Variants in PDE4D observed in about 807,000 individuals in gnomAD.
The protein encoded by PDE4D is 3',5'-cyclic-AMP phosphodiesterase 4D.
In PDE4D, 24 loss-of-function variants were observed where a neutral mutation model predicts 87.4. That is an observed-to-expected ratio of 0.27 (90% confidence interval 0.20 to 0.39). The LOEUF (loss-of-function observed/expected upper bound fraction) is 0.39, where lower values mean the gene tolerates loss of function less well. PDE4D is among the 10% of genes least tolerant of loss of function. PDE4D has a pLI of 1.00. For synonymous variants in PDE4D, 384 were observed against 383.2 expected, an observed-to-expected ratio of 1.00 and a Z score of -0.02; for missense variants, 714 against 1,041.0, an observed-to-expected ratio of 0.69 and a Z score of 4.32.
Position 59,435,010 on chromosome 5 carries a change from C to G in PDE4D, c.456-219042G>C, listed in dbSNP as rs77248214. Among the ~76,000 whole-genome samples the G allele has an allele frequency of 2.6e-5, 4 of 152,150 alleles. No homozygotes were observed. In the East Asian group the frequency reaches 7.7e-4, roughly 29 times the overall value. On this transcript the variant is annotated intron_variant, in intron 1 of 14. Coordinates refer to ENST00000340635, the MANE Select transcript of PDE4D (RefSeq NM_001104631.2). Reference sequence around the variant, plus strand: ...GACACTGAGGGATAAGATATATACCCAAGGTCACATAGAGTGTTAAGTGGT... The same window carrying G: ...GACACTGAGGGATAAGATATATACCGAAGGTCACATAGAGTGTTAAGTGGT...
intron 6 of PDE4D, among the ~76,000 whole-genome samples, chr5:58,996,886 C>G (rs1349548213): frequency 6.6e-6 from 1 of 152,092 alleles, no homozygotes; most frequent in Non-Finnish European, 1.5e-5. Context: ...TAAGTGACAT[C>G]CTGCATGTTC....
At chr5:59,700,426 G>A (rs1752398809) in intron 1 of PDE4D, among the ~76,000 whole-genome samples, 1 of 152,110 alleles carries the variant, frequency 6.6e-6, no homozygotes, top group Admixed American at 6.6e-5. Flanking sequence ...GGGTAAGAAT[G>A]TGACTTTGCA....
At chr5:59,122,261 T>C (rs1272709934) in intron 5 of PDE4D, among the ~76,000 whole-genome samples, 3 of 151,356 alleles carry the variant, frequency 2.0e-5, no homozygotes, top group Non-Finnish European at 4.4e-5. Context: ...TACAGCAACA[T>C]GGATGGAACT....
At chr5:59,519,556 G>A (rs1181652356) in intron 1 of PDE4D, among the ~76,000 whole-genome samples, 2 of 152,172 alleles carry the variant, frequency 1.3e-5, no homozygotes, top group South Asian at 2.1e-4. Flanking sequence ...AAGTGAGTGG[G>A]TGAGGCGGAC....
chr5:60,038,283 T>C (rs1159325246), intron 2 of PDE4D, among the ~76,000 whole-genome samples: 1 of 152,210 alleles, frequency 6.6e-6, no homozygotes, highest in African/African-American at 2.4e-5. Context: ...CTGTAATCCA[T>C]CTTGAATTGA....
At chr5:60,496,215 T>C (rs895203182) in intron 1 of PDE4D, among the ~76,000 whole-genome samples, 43 of 152,208 alleles carry the variant, frequency 2.8e-4, no homozygotes, top group African/African-American at 9.9e-4. Context: ...CTCCTGAGTA[T>C]AGGACAAAGC....
At chr5:60,373,282 A>T (rs901599619) in intron 1 of PDE4D, among the ~76,000 whole-genome samples, 2 of 152,176 alleles carry the variant, frequency 1.3e-5, no homozygotes, top group African/African-American at 4.8e-5. Context: ...ATCTAGCAAA[A>T]GTGGTCACAT....
chr5:60,259,494 C>T (rs2149700443), intron 1 of PDE4D, among the ~76,000 whole-genome samples: 1 of 152,104 alleles, frequency 6.6e-6, no homozygotes, highest in East Asian at 1.9e-4. Context: ...GTACTCTGCC[C>T]TTTTTTAACC....
At chr5:59,592,607 C>G (rs916793624) in intron 1 of PDE4D, among the ~76,000 whole-genome samples, 3 of 151,754 alleles carry the variant, frequency 2.0e-5, no homozygotes, top group African/African-American at 7.3e-5. Context: ...AATTCTTTTA[C>G]AGAAGAAAAA....
intron 5 of PDE4D, among the ~76,000 whole-genome samples, chr5:59,051,135 G>T (rs2153403988): frequency 6.6e-6 from 1 of 152,346 alleles, no homozygotes; most frequent in South Asian, 2.1e-4. Flanking sequence ...ACTCTGGGAG[G>T]CTGATGCGAG....
chr5:60,380,509 T>C lies in PDE4D; in HGVS notation c.-90+107433A>G, dbSNP rs143833362. On this transcript the variant is annotated intron_variant, in intron 1 of 16. Coordinates refer to the PDE4D transcript ENST00000502484. The stretch of plus-strand genomic sequence containing the variant: ...ATACGCTCTTTTCTTTTTGCCCCAA[T>C]GTCCCGATCAGGGCTGTTCCTTCAG... Among the ~76,000 whole-genome samples the C allele has an allele frequency of 7.9e-4, 121 of 152,300 alleles. 1 individual carries two copies. The highest frequency in any genetic ancestry group is 2.8e-3 in the African/African-American group (117 of 41,556).
Position 59,518,611 on chromosome 5 carries a change from C to T in PDE4D, c.456-302643G>A, listed in dbSNP as rs2153671985. ...TAGTGTACAGGAGTCGAATAAACAA[C>T]AGGAATGAAAGAGGGGAAGATGGCA... On this transcript the variant is annotated intron_variant, in intron 1 of 14. Coordinates refer to ENST00000340635, the MANE Select transcript of PDE4D (RefSeq NM_001104631.2). Among the ~76,000 whole-genome samples, 2 of 152,180 alleles carry T rather than the reference C, an allele frequency of 1.3e-5. 1 individual carries two copies.
intron 1 of PDE4D, among the ~76,000 whole-genome samples, chr5:59,505,503 C>T (rs1008787733): frequency 5.3e-5 from 8 of 152,194 alleles, no homozygotes; most frequent in Non-Finnish European, 8.8e-5. Context: ...TTAAATAGCA[C>T]ATTCTCAAGA....
chr5:59,562,665 T>C (rs184020791), intron 1 of PDE4D, among the ~76,000 whole-genome samples: 51 of 152,364 alleles, frequency 3.3e-4, no homozygotes, highest in Non-Finnish European at 1.2e-4. Flanking sequence ...GTACAGTATA[T>C]ATACCTAGTT....
intron 2 of PDE4D, among the ~76,000 whole-genome samples, chr5:60,181,827 CAT>C (rs1260686069): frequency 4.6e-5 from 7 of 152,096 alleles, no homozygotes; most frequent in Non-Finnish European, 8.8e-5. Context: ...TATAAAACTT[CAT>C]GAGTTTGGAG....
intron 1 of PDE4D, among the ~76,000 whole-genome samples, chr5:60,450,317 C>T (rs556822285): frequency 6.6e-6 from 1 of 152,158 alleles, no homozygotes; most frequent in Non-Finnish European, 1.5e-5. Context: ...ATTTCACTAT[C>T]TTCTAGGTAT....
chr5:59,481,386 A>T (rs1168315937), intron 1 of PDE4D, among the ~76,000 whole-genome samples: 2 of 151,102 alleles, frequency 1.3e-5, no homozygotes, highest in Non-Finnish European at 2.9e-5. Flanking sequence ...AAAAAAAAAA[A>T]GTTCGAGTCA....
intron 1 of PDE4D, among the ~76,000 whole-genome samples, chr5:60,439,304 A>C (rs1373395036): frequency 6.6e-6 from 1 of 152,110 alleles, no homozygotes; most frequent in Non-Finnish European, 1.5e-5. Context: ...GTGGATAATG[A>C]ATATAAACTT....
chr5:59,760,454 G>A (rs116037292), intron 1 of PDE4D, among the ~76,000 whole-genome samples: 299 of 152,238 alleles, frequency 2.0e-3, no homozygotes, highest in African/African-American at 6.9e-3. Flanking sequence ...AAATTATACA[G>A]TTGAGTATTA....
Sources: gnomAD v4.1 joint callset for allele counts (sites outside exome capture counted in the v4.1 genomes callset) on GRCh38, gnomAD v4.1.1 for gene constraint, MANE v1.5 for transcripts, NCBI Gene and HGNC (gene_info 2026-07-23, HGNC 2026-07-21) for gene names.